C2CD5: variants seen among roughly 807,000 people sequenced by gnomAD.
C2CD5 encodes the protein C2 calcium dependent domain containing 5.
Under a neutral mutation model 130.3 loss-of-function variants are expected in C2CD5, and 109 were observed. That is an observed-to-expected ratio of 0.84 (90% CI 0.72 to 0.98). C2CD5 has a LOEUF of 0.98. Among genes scored for constraint, C2CD5 ranks in the 50% least tolerant of loss-of-function variants. C2CD5 has a pLI of 0.00. For synonymous variants in C2CD5, 454 were observed against 429.2 expected (o/e 1.06, Z -0.71); for missense variants, 996 against 1,261.8 (o/e 0.79, Z 3.19).
intron 14 of C2CD5, among the ~76,000 whole-genome samples, chr12:22,482,220 A>G (rs965656398): frequency 6.6e-6 from 1 of 152,298 alleles, no homozygotes; most frequent in African/African-American, 2.4e-5. Flanking sequence ...AGTTCCCTGC[A>G]ACAAAGAGGT....
intron 2 of C2CD5, among the ~76,000 whole-genome samples, chr12:22,540,907 A>C (rs1461615577): frequency 2.0e-5 from 3 of 152,346 alleles, no homozygotes; most frequent in South Asian, 2.1e-4. Context: ...TATTTGTTAT[A>C]GTTAAACCGT....
intron 10 of C2CD5, among the ~76,000 whole-genome samples, chr12:22,505,019 C>T (rs1317137588): frequency 3.9e-5 from 6 of 152,026 alleles, no homozygotes; most frequent in Non-Finnish European, 7.4e-5. Flanking sequence ...GATGCATTTG[C>T]CCAGTTTTAG....
intron 19 of C2CD5, 111 bp from the exon 20 acceptor site, chr12:22,471,599 A>C (rs1943045365): frequency 1.8e-6 from 1 of 541,576 alleles, no homozygotes; most frequent in African/African-American, 2.0e-5. Flanking sequence ...AAATAAAACA[A>C]AACTGGTCCA....
chr12:22,502,012 T>A (rs1947862937), intron 10 of C2CD5, among the ~76,000 whole-genome samples: 2 of 151,736 alleles, frequency 1.3e-5, no homozygotes, highest in Admixed American at 6.6e-5. Context: ...AAATATAATA[T>A]AAACAATTAG....
intron 26 of C2CD5, among the ~76,000 whole-genome samples, chr12:22,451,706 A>C (rs79769540): frequency 1.3e-5 from 2 of 152,142 alleles, no homozygotes; most frequent in African/African-American, 4.8e-5. Flanking sequence ...GAAAAAAAAA[A>C]AGCACAGTTC....
Position 22,544,343 on chromosome 12 carries a change from CCCGCGCGGGTGCTGAGA to C in C2CD5, c.-70_-54del, listed in dbSNP as rs1952742877. Reference sequence around the variant, plus strand: ...ACTGTCGCAGGAGGAAGGGTGCTGTCCCGCGCGGGTGCTGAGACCTCATTCCGGAGAGGCGGCGGGAG... The same window carrying C: ...ACTGTCGCAGGAGGAAGGGTGCTGTCCCTCATTCCGGAGAGGCGGCGGGAG... On this transcript the variant is annotated 5_prime_UTR_variant, in exon 1 of 27. Transcript: ENST00000446597. 1 of 495,384 alleles carries C rather than the reference CCCGCGCGGGTGCTGAGA, an allele frequency of 2.0e-6. No individual in the cohort carries two copies. Among genetic ancestry groups the C allele is most frequent in the Non-Finnish European group, 3.5e-6 (1 of 283,914 alleles). The allele number at this position is 495,384 out of a possible 1,614,324, so 30.7% of individuals were successfully genotyped here. A position where few individuals can be genotyped will look rare whatever the true frequency, so the allele number is the denominator to read the frequency against.
chr12:22,483,162 C>T (rs1327776759), intron 13 of C2CD5, among the ~76,000 whole-genome samples: 1 of 151,994 alleles, frequency 6.6e-6, no homozygotes, highest in Non-Finnish European at 1.5e-5. Flanking sequence ...TAAATACATA[C>T]ACCTGTTTAC....
At chr12:22,514,253 C>A (rs913301322) in intron 8 of C2CD5, among the ~76,000 whole-genome samples, 1 of 152,074 alleles carries the variant, frequency 6.6e-6, no homozygotes, top group Admixed American at 6.6e-5. Context: ...TTTACCACAA[C>A]GACTTAAAAA....
At chr12:22,543,606 C>CTG (rs149182303) in intron 2 of C2CD5, among the ~76,000 whole-genome samples, 20 of 151,798 alleles carry the variant, frequency 1.3e-4, no homozygotes, top group East Asian at 3.9e-4. Flanking sequence ...GTGTGTGTGC[C>CTG]TGTGTGTGTG....
chr12:22,491,889 A>C (rs531438568), intron 11 of C2CD5, among the ~76,000 whole-genome samples: 12 of 151,746 alleles, frequency 7.9e-5, no homozygotes, highest in East Asian at 1.9e-4. Flanking sequence ...AAAAAAAAAA[A>C]CGACAACAAC....
intron 2 of C2CD5, among the ~76,000 whole-genome samples, chr12:22,540,075 G>T (rs1220156795): frequency 1.3e-5 from 2 of 151,236 alleles, no homozygotes; most frequent in East Asian, 3.9e-4. Context: ...GGGTTTCAAT[G>T]TACATAATTG....
At chr12:22,527,193 TTACTA>T (rs1271594466) in intron 4 of C2CD5, among the ~76,000 whole-genome samples, 4 of 152,042 alleles carry the variant, frequency 2.6e-5, no homozygotes, top group Admixed American at 1.3e-4. Flanking sequence ...ATGCATTTAC[TTACTA>T]TACTATACAA....
At position 22,544,334 on chromosome 12, in the gene C2CD5, G is replaced by T; in HGVS notation, c.-44C>A. On this transcript the variant is annotated 5_prime_UTR_variant, in exon 1 of 27. Transcript: ENST00000446597. ...TCGCCACTCACTGTCGCAGGAGGAA[G>T]GGTGCTGTCCCGCGCGGGTGCTGAG... is the stretch of plus-strand genomic sequence containing the variant. 5.7e-6 allele frequency: 3 copies of T among 524,006 alleles called. No individual in the cohort carries two copies. Among genetic ancestry groups the T allele is most frequent in the Non-Finnish European group, 9.9e-6 (3 of 301,954 alleles). 32.5% of individuals were successfully genotyped at this position (524,006 alleles called of 1,614,324 possible). A position where few individuals can be genotyped will look rare whatever the true frequency, so the allele number is the denominator to read the frequency against.
chr12:22,481,793 G>C (rs921376368), intron 14 of C2CD5, among the ~76,000 whole-genome samples: 53 of 143,000 alleles, frequency 3.7e-4, no homozygotes, highest in South Asian at 4.4e-4. Flanking sequence ...CAGCACACCT[G>C]GTGTATTTTT....
intron 14 of C2CD5, among the ~76,000 whole-genome samples, chr12:22,479,145 C>G (rs966510765): frequency 1.3e-5 from 2 of 151,858 alleles, no homozygotes; most frequent in Admixed American, 6.6e-5. Context: ...GTGATCTCGG[C>G]TCACTGCAAC....
chr12:22,459,573 A>C, intron 22 of C2CD5, 31 bp from the exon 23 acceptor site: 21 of 1,398,314 alleles, frequency 1.5e-5, no homozygotes, highest in East Asian at 2.5e-5. Context: ...ACATTAGCTC[A>C]GATGCTAAGT....
intron 16 of C2CD5, among the ~76,000 whole-genome samples, chr12:22,473,296 A>G (rs1018445409): frequency 2.0e-5 from 3 of 152,104 alleles, no homozygotes; most frequent in African/African-American, 4.8e-5. Context: ...ATAAATAGGG[A>G]AACTATCCAG....
chr12:22,481,092 ACCATGCCCGG>A (rs1267577914), intron 14 of C2CD5, among the ~76,000 whole-genome samples: 1 of 152,204 alleles, frequency 6.6e-6, no homozygotes, highest in African/African-American at 2.4e-5. Flanking sequence ...GGCATGAGTC[ACCATGCCCGG>A]CCTATGTATC....
intron 10 of C2CD5, among the ~76,000 whole-genome samples, chr12:22,497,364 C>A (rs1277866986): frequency 6.6e-6 from 1 of 151,996 alleles, no homozygotes; most frequent in Non-Finnish European, 1.5e-5. Context: ...CTGATTTGAT[C>A]ATTATTCTAT....
Sources: allele counts gnomAD v4.1 joint callset (sites outside exome capture counted in the v4.1 genomes callset), GRCh38; gene constraint gnomAD v4.1.1; transcripts MANE v1.5; gene names NCBI Gene and HGNC (gene_info 2026-07-23, HGNC 2026-07-21).